Variants in CCDC3 observed in about 807,000 individuals in gnomAD.
CCDC3 encodes coiled-coil domain-containing protein 3.
A neutral mutation model predicts 21.4 loss-of-function variants in CCDC3; 24 were observed. The ratio of observed to expected loss-of-function variants is 1.12; its 90% confidence interval spans 0.81 to 1.58. The LOEUF is 1.58. CCDC3 is among the 40% of genes most tolerant of loss of function. The pLI, the probability that CCDC3 is intolerant of heterozygous loss-of-function variation, is 0.00. For synonymous variants in CCDC3, 186 were observed against 166.0 expected (o/e 1.12, Z -0.93); for missense variants, 425 against 360.9 (o/e 1.18, Z -1.44).
intron 2 of CCDC3, among the ~76,000 whole-genome samples, chr10:12,962,238 G>A (rs779625238): frequency 1.3e-5 from 2 of 152,150 alleles, no homozygotes; most frequent in Admixed American, 6.5e-5. Flanking sequence ...AGAAAAACAC[G>A]TAACGATCAG....
chr10:13,032,371 C>G (rs1404618831), intron 5 of CCDC3, among the ~76,000 whole-genome samples: 1 of 152,068 alleles, frequency 6.6e-6, no homozygotes, highest in Non-Finnish European at 1.5e-5. Flanking sequence ...ATGACAAACC[C>G]ACAGCCAGTA....
chr10:12,907,622 T>C (rs12263560), intron 2 of CCDC3, among the ~76,000 whole-genome samples: 58,241 of 152,002 alleles, frequency 0.38, 11,507 homozygotes, highest in East Asian at 0.44. Flanking sequence ...CCAGCCTGGG[T>C]GACAGAGCAA....
intron 2 of CCDC3, among the ~76,000 whole-genome samples, chr10:12,966,010 T>C (rs1835257174): frequency 6.6e-6 from 1 of 152,140 alleles, no homozygotes; most frequent in Non-Finnish European, 1.5e-5. Flanking sequence ...GAATCCACCA[T>C]CCCAGGCATT....
chr10:12,912,542 ATTTTCTTCCATTTCGTAGGTGTTT>A (rs534943774), intron 2 of CCDC3, among the ~76,000 whole-genome samples: 298 of 151,256 alleles, frequency 2.0e-3, no homozygotes, highest in African/African-American at 6.6e-3. Flanking sequence ...GTGTGTAAAT[ATTTTCTTCCATTTCGTAGGTGTTT>A]TTTTCACTCT....
At chr10:12,941,140 A>T (rs1834824100) in intron 2 of CCDC3, among the ~76,000 whole-genome samples, 1 of 152,228 alleles carries the variant, frequency 6.6e-6, no homozygotes, top group Non-Finnish European at 1.5e-5. Context: ...AGGTTGCAGT[A>T]AACAAGCGGC....
chr10:12,923,855 G>T (rs758832113), intron 2 of CCDC3, among the ~76,000 whole-genome samples: 1 of 152,184 alleles, frequency 6.6e-6, no homozygotes, highest in Admixed American at 6.5e-5. Flanking sequence ...AACCTCTGCT[G>T]TCATGTGTAT....
chr10:13,072,468 C>G (rs188653255), intron 4 of CCDC3, among the ~76,000 whole-genome samples: 1 of 152,194 alleles, frequency 6.6e-6, no homozygotes, highest in African/African-American at 2.4e-5. Context: ...CGACCCACCC[C>G]ACAAGTGTTT....
At chr10:12,908,164 T>G (rs746232257) in intron 2 of CCDC3, among the ~76,000 whole-genome samples, 18 of 152,186 alleles carry the variant, frequency 1.2e-4, no homozygotes, top group Non-Finnish European at 1.9e-4. Context: ...ACTACAAAGG[T>G]TTCCCAAAAT....
intron 2 of CCDC3, among the ~76,000 whole-genome samples, chr10:12,948,381 G>T (rs756234012): frequency 1.6e-4 from 24 of 151,944 alleles, no homozygotes; most frequent in Non-Finnish European, 3.4e-4. Context: ...ACTGACTCAG[G>T]ATATGGAGGA....
chr10:13,023,929 T>A (rs1451263125), intron 5 of CCDC3, among the ~76,000 whole-genome samples: 1 of 152,126 alleles, frequency 6.6e-6, no homozygotes, highest in Non-Finnish European at 1.5e-5. Context: ...TAGACATTCC[T>A]ACTCAAAAAG....
chr10:12,925,824 G>A (rs1278907284), intron 2 of CCDC3, among the ~76,000 whole-genome samples: 1 of 152,216 alleles, frequency 6.6e-6, no homozygotes, highest in African/African-American at 2.4e-5. Flanking sequence ...TCATCCTATT[G>A]TGATACCCAG....
intron 2 of CCDC3, among the ~76,000 whole-genome samples, chr10:12,902,918 C>T (rs568256297): frequency 3.5e-4 from 53 of 152,152 alleles, no homozygotes; most frequent in Non-Finnish European, 4.7e-4. Context: ...TGTGTGTATC[C>T]GGAGTGGGAG....
At position 13,073,655 on chromosome 10, in the gene CCDC3, C is replaced by T. The variant is rs11258175; in HGVS notation, c.-270+213G>A. Among the ~76,000 whole-genome samples, 14 of 152,122 alleles carry T rather than the reference C, an allele frequency of 9.2e-5. No homozygotes were observed. The South Asian group carries it at 2.7e-3, about 29-fold the overall frequency. ...AACTACAAGCACCTGCCACCACGTTCGGCTAATTTTTTGTAGAGACAGGGT... is the reference window on the plus strand; with the variant it reads ...AACTACAAGCACCTGCCACCACGTTTGGCTAATTTTTTGTAGAGACAGGGT... On this transcript the variant is annotated intron_variant, in intron 4 of 6. Coordinates refer to the CCDC3 transcript ENST00000378839.
chr10:13,001,130 A>AGGTAAC, intron 1 of CCDC3, 67 bp downstream of exon 1: 1 of 1,506,880 alleles, frequency 6.6e-7, no homozygotes, highest in Admixed American at 2.1e-5. Context: ...GCCTGGCTCT[A>AGGTAAC]GGTAACGGCG....
chr10:12,983,175 A>T (rs1451786613), intron 2 of CCDC3, among the ~76,000 whole-genome samples: 1 of 122,612 alleles, frequency 8.2e-6, no homozygotes, highest in Non-Finnish European at 1.8e-5. Flanking sequence ...TATATATATA[A>T]AATCTATAGC....
intron 4 of CCDC3, among the ~76,000 whole-genome samples, chr10:13,054,959 A>T (rs1481768652): frequency 6.6e-6 from 1 of 152,024 alleles, no homozygotes; most frequent in African/African-American, 2.4e-5. Context: ...GAGCCACTGC[A>T]CCCAGCCAAG....
chr10:12,922,561 G>T (rs1288327909), intron 2 of CCDC3, among the ~76,000 whole-genome samples: 1 of 152,160 alleles, frequency 6.6e-6, no homozygotes, highest in Admixed American at 6.5e-5. Context: ...GGCCATCTTG[G>T]ATGTTAGCTG....
intron 5 of CCDC3, among the ~76,000 whole-genome samples, chr10:13,040,246 T>G (rs1002034552): frequency 2.0e-5 from 3 of 152,158 alleles, no homozygotes; most frequent in Non-Finnish European, 4.4e-5. Context: ...AAGACCCCAC[T>G]GTGTCAACCC....
At chr10:12,902,728 GTTCT>G (rs1360672992) in intron 2 of CCDC3, among the ~76,000 whole-genome samples, 3 of 152,160 alleles carry the variant, frequency 2.0e-5, no homozygotes, top group Admixed American at 6.6e-5. Context: ...CGTGTTAAGA[GTTCT>G]TTCTAAGACA....
Sources: gnomAD v4.1 joint callset for allele counts (sites outside exome capture counted in the v4.1 genomes callset) on GRCh38, gnomAD v4.1.1 for gene constraint, MANE v1.5 for transcripts, NCBI Gene and HGNC (gene_info 2026-07-23, HGNC 2026-07-21) for gene names.